The following KCNQ3 variants were observed in gnomAD, a reference collection of about 807,000 sequenced individuals.
KCNQ3 encodes potassium voltage-gated channel subfamily KQT member 3.
KCNQ3 carries 30 observed loss-of-function variants against 92.5 expected under a neutral mutation model. That is an observed-to-expected ratio of 0.32 (90% CI 0.24 to 0.44). The LOEUF (loss-of-function observed/expected upper bound fraction) is 0.44, where lower values mean the gene tolerates loss of function less well. Ranked by LOEUF, KCNQ3 falls within the 20% of genes least tolerant of loss-of-function variation. The pLI is 1.00. For synonymous variants in KCNQ3, 450 were observed against 468.8 expected, an observed-to-expected ratio of 0.96 and a Z score of 0.52; for missense variants, 913 against 1,140.3, an observed-to-expected ratio of 0.80 and a Z score of 2.87.
At chr8:132,173,828 C>T (rs536664280) in intron 6 of KCNQ3, among the ~76,000 whole-genome samples, 1 of 152,278 alleles carries the variant, frequency 6.6e-6, no homozygotes, top group East Asian at 1.9e-4. Context: ...AGGGAACTCA[C>T]ATAAATGAAG....
intron 1 of KCNQ3, among the ~76,000 whole-genome samples, chr8:132,369,573 G>GCACACACACACACACA (rs3049658): frequency 6.8e-6 from 1 of 148,142 alleles, no homozygotes; most frequent in African/African-American, 2.5e-5. Flanking sequence ...TGCTCAAACA[G>GCACACACACACACACA]CACACACACA....
chr8:132,414,909 C>T (rs768161117), intron 1 of KCNQ3, among the ~76,000 whole-genome samples: 17 of 152,096 alleles, frequency 1.1e-4, no homozygotes, highest in African/African-American at 3.4e-4. Flanking sequence ...ACAGTGTGTC[C>T]GGCAGAAGTA....
At chr8:132,402,740 C>A (rs188902985) in intron 1 of KCNQ3, among the ~76,000 whole-genome samples, 1 of 151,834 alleles carries the variant, frequency 6.6e-6, no homozygotes, top group Non-Finnish European at 1.5e-5. Flanking sequence ...TGTATTGGCC[C>A]GGCGCGGTGG....
intron 1 of KCNQ3, among the ~76,000 whole-genome samples, chr8:132,379,444 C>T (rs901495114): frequency 1.3e-4 from 19 of 151,954 alleles, no homozygotes; most frequent in African/African-American, 4.6e-4. Flanking sequence ...GCCCTTAGGA[C>T]TCCCCTCATC....
chr8:132,237,960 TA>T (rs1197560743), intron 1 of KCNQ3, among the ~76,000 whole-genome samples: 2 of 152,160 alleles, frequency 1.3e-5, no homozygotes, highest in Non-Finnish European at 2.9e-5. Context: ...GCTCCCTTTC[TA>T]ACCTCATGCA....
chr8:132,135,909 C>T lies in KCNQ3; in HGVS notation c.1701-1521G>A, dbSNP rs570058206. ...TTTGGGAGGCTGAATCACCTGAGGT[C>T]AGAAGTTCGAGATCAGCCTGGCCAG... is the stretch of plus-strand genomic sequence containing the variant. On this transcript the variant is annotated intron_variant, in intron 12 of 14. Coordinates refer to ENST00000388996, the MANE Select transcript of KCNQ3 (RefSeq NM_004519.4). Among the ~76,000 whole-genome samples the T allele has an allele frequency of 2.0e-5, 3 of 151,914 alleles. No individual in the cohort carries two copies. The South Asian group carries it at 6.2e-4, about 32-fold the overall frequency.
At chr8:132,393,345 A>G (rs1211407793) in intron 1 of KCNQ3, among the ~76,000 whole-genome samples, 3 of 152,258 alleles carry the variant, frequency 2.0e-5, no homozygotes, top group Admixed American at 6.5e-5. Context: ...CAAACTTCTC[A>G]TAGAAAAAGG....
At chr8:132,363,024 C>A (rs1819215723) in intron 1 of KCNQ3, among the ~76,000 whole-genome samples, 1 of 152,240 alleles carries the variant, frequency 6.6e-6, no homozygotes, top group East Asian at 1.9e-4. Context: ...AACCTGGACA[C>A]TGACTGGCAC....
In KCNQ3 at chr8:132,290,036, G is replaced by C. The variant is rs538279575; in HGVS notation, c.387-103855C>G. 5.3e-5 allele frequency among the ~76,000 whole-genome samples: 8 copies of C among 152,296 alleles called. No homozygotes were observed. In the South Asian group the frequency reaches 1.7e-3, roughly 32 times the overall value. ...CTGTAGAAAAATGGTTTTGGGTACAGCAGACTTTAATTCATTTAGCTGATA... is the reference window on the plus strand; with the variant it reads ...CTGTAGAAAAATGGTTTTGGGTACACCAGACTTTAATTCATTTAGCTGATA... On this transcript the variant is annotated intron_variant, in intron 1 of 14. Transcript: ENST00000388996.
intron 1 of KCNQ3, among the ~76,000 whole-genome samples, 155 bp downstream of exon 1, chr8:132,479,983 CACACACACA>C (rs1563925537): frequency 2.0e-5 from 3 of 151,912 alleles, no homozygotes; most frequent in African/African-American, 7.3e-5. Flanking sequence ...CACACACACA[CACACACACA>C]CCCAGGGAAA....
At chr8:132,187,647 G>A (rs1827012154) in intron 1 of KCNQ3, among the ~76,000 whole-genome samples, 2 of 151,850 alleles carry the variant, frequency 1.3e-5, no homozygotes, top group African/African-American at 4.8e-5. Flanking sequence ...TGGTGATGAT[G>A]ATGGTTGTGA....
chr8:132,364,156 A>C (rs941844421), intron 1 of KCNQ3, among the ~76,000 whole-genome samples: 7 of 152,158 alleles, frequency 4.6e-5, no homozygotes, highest in African/African-American at 1.7e-4. Flanking sequence ...CATCGAACAT[A>C]AGGCAAAAAT....
In KCNQ3 at chr8:132,140,106, G is replaced by C; in HGVS notation, c.1538C>G (p.Pro513Arg). The C allele has an allele frequency of 6.2e-7, 1 of 1,608,976 alleles. No individual in the cohort carries two copies. Among genetic ancestry groups the C allele is most frequent in the Non-Finnish European group, 8.5e-7 (1 of 1,177,732 alleles). Residue 513 changes from proline to arginine, a missense_variant, in exon 11 of 15, where the codon CCC (proline) becomes CGC (arginine). Pro to Arg is a moderately radical substitution (Grantham distance 103). Transcript: ENST00000388996. The part of the protein sequence containing the change: ...GNDFPIEDMI[P>R]TLKAAIRAVR... ...GGCTCGGATGGCGGCCTTCAGGGTGGGGATCATGTCTTCGATGGGGAAGTC... is the reference window on the plus strand; with the variant it reads ...GGCTCGGATGGCGGCCTTCAGGGTGCGGATCATGTCTTCGATGGGGAAGTC...
intron 2 of KCNQ3, among the ~76,000 whole-genome samples, chr8:132,185,002 C>T (rs1457688399): frequency 1.3e-5 from 2 of 152,226 alleles, no homozygotes; most frequent in East Asian, 3.9e-4. Context: ...TCCCCCTTTC[C>T]TCCTGCAACT....
At chr8:132,279,943 T>C (rs1034998141) in intron 1 of KCNQ3, among the ~76,000 whole-genome samples, 2 of 152,136 alleles carry the variant, frequency 1.3e-5, no homozygotes, top group African/African-American at 2.4e-5. Context: ...ACAAATTCCA[T>C]AAAGAATTAG....
chr8:132,129,580 C>G lies in KCNQ3; in HGVS notation c.2301G>C (p.Gln767His), dbSNP rs1824789343. ...RVSCHSQADL[Q>H]GPYSDRISPR... ...GGGAGATTCGGTCCGAGTAGGGGCC[C>G]TGCAGGTCAGCCTGGGAGTGGCAGC... The change falls in exon 15 of 15, where the codon CAG becomes CAC. Residue 767 changes from glutamine to histidine, a missense_variant. Physicochemically the swap from Gln to His is conservative, Grantham distance 24 (BLOSUM62 0). This residue lies in a region of KCNQ3 where 375 missense variants were observed against 376.4 expected (regional missense o/e 1.00). Transcript: ENST00000388996. The surrounding 1 kb of genome is among the most constrained non-coding windows in gnomAD (Gnocchi z 5.9). The G allele has an allele frequency of 1.9e-6, 3 of 1,614,190 alleles. No homozygotes were observed. The highest frequency in any genetic ancestry group is 2.5e-6 in the Non-Finnish European group (3 of 1,180,028).
chr8:132,412,300 T>C (rs1440405446), intron 1 of KCNQ3, among the ~76,000 whole-genome samples: 2 of 151,772 alleles, frequency 1.3e-5, no homozygotes, highest in Non-Finnish European at 2.9e-5. Context: ...TTCTAATTCA[T>C]AAGTCTCTAT....
At chr8:132,357,486 C>T (rs1403426052) in intron 1 of KCNQ3, among the ~76,000 whole-genome samples, 1 of 152,226 alleles carries the variant, frequency 6.6e-6, no homozygotes, top group Non-Finnish European at 1.5e-5. Context: ...GCACCAGGGT[C>T]GCTCTCTGCC....
At chr8:132,427,619 T>G (rs1297832406) in intron 1 of KCNQ3, among the ~76,000 whole-genome samples, 2 of 152,216 alleles carry the variant, frequency 1.3e-5, no homozygotes, top group Non-Finnish European at 1.5e-5. Flanking sequence ...TAACAGCCTT[T>G]GTTCCAGCAA....
Sources: allele counts gnomAD v4.1 joint callset (sites outside exome capture counted in the v4.1 genomes callset), GRCh38; gene constraint gnomAD v4.1.1; regional missense constraint gnomAD v4.1.1; non-coding constraint Gnocchi (gnomAD v3.1); transcripts MANE v1.5; gene names NCBI Gene and HGNC (gene_info 2026-07-23, HGNC 2026-07-21).